Variants in TMEM143 observed in about 807,000 individuals in gnomAD.
TMEM143 encodes the protein transmembrane protein 143.
A neutral mutation model predicts 40.3 loss-of-function variants in TMEM143; 45 were observed. The observed-to-expected ratio is 1.12, with a 90% CI of 0.88 to 1.43. The LOEUF is 1.43. TMEM143 is among the 40% of genes most tolerant of loss of function. The pLI is 0.00. For missense variants in TMEM143, 620 were observed against 613.4 expected (o/e 1.01, Z -0.11); for synonymous variants, 299 against 282.7 (o/e 1.06, Z -0.58).
intron 4 of TMEM143, 76 bp downstream of exon 4, chr19:48,345,084 C>T (rs777936132): frequency 3.6e-5 from 53 of 1,485,936 alleles, no homozygotes; most frequent in Non-Finnish European, 4.7e-5. Context: ...CAACTCCCAG[C>T]AGCCCATGCC....
intron 3 of TMEM143, among the ~76,000 whole-genome samples, chr19:48,353,819 G>A (rs1306253682): frequency 6.6e-6 from 1 of 151,530 alleles, no homozygotes; most frequent in African/African-American, 2.4e-5. Context: ...GGCAGCCACA[G>A]GAAGATGGAG....
Position 48,334,002 on chromosome 19 carries a change from TC to T in TMEM143, c.1165+5del, listed in dbSNP as rs1369695184. On this transcript the variant is annotated splice_donor_5th_base_variant and intron_variant, in intron 7 of 7. Coordinates refer to ENST00000293261, the MANE Select transcript of TMEM143 (RefSeq NM_018273.4). ...CTGGGGGCAGGGTCCCAGGGCCACG[TC>T]CTACCTTCGGGCGAGCCTTGAGTGC... is the stretch of plus-strand genomic sequence containing the variant. 2.0e-6 allele frequency: 3 copies of T among 1,536,904 alleles called. No homozygotes were observed. In the African/African-American group the frequency reaches 4.1e-5, roughly 21 times the overall value.
intron 3 of TMEM143, among the ~76,000 whole-genome samples, chr19:48,351,232 C>T (rs773493521): frequency 7.2e-5 from 11 of 152,172 alleles, no homozygotes; most frequent in South Asian, 4.1e-4. Context: ...GATGCAACTC[C>T]ATCCTTCCAG....
chr19:48,363,681 T>C, intron 1 of TMEM143, 150 bp from the exon 2 acceptor site: 1 of 1,383,836 alleles, frequency 7.2e-7, no homozygotes, highest in Non-Finnish European at 9.7e-7. Flanking sequence ...GCCTGTCCCC[T>C]TCCCACACTG....
chr19:48,352,118 G>T (rs1969786865), intron 3 of TMEM143, among the ~76,000 whole-genome samples: 1 of 151,126 alleles, frequency 6.6e-6, no homozygotes, highest in Non-Finnish European at 1.5e-5. Context: ...GCGGTGGTGG[G>T]CGCCTGTAGT....
intron 6 of TMEM143, among the ~76,000 whole-genome samples, chr19:48,342,260 GAGAAAGGAA>G (rs1198208875): frequency 6.9e-6 from 1 of 144,866 alleles, no homozygotes; most frequent in African/African-American, 2.6e-5. Context: ...GAGAGAGAGG[GAGAAAGGAA>G]AGAAGGGAGG....
At chr19:48,337,784 C>T (rs1466383802) in intron 6 of TMEM143, among the ~76,000 whole-genome samples, 1 of 152,150 alleles carries the variant, frequency 6.6e-6, no homozygotes, top group African/African-American at 2.4e-5. Flanking sequence ...ACCCTCTTCT[C>T]ACCAGGCCAG....
At chr19:48,339,547 G>A (rs1271997847) in intron 6 of TMEM143, among the ~76,000 whole-genome samples, 1 of 152,162 alleles carries the variant, frequency 6.6e-6, no homozygotes, top group Non-Finnish European at 1.5e-5. Flanking sequence ...GAGGCAGCTG[G>A]ACTCTGGGCT....
In TMEM143 at chr19:48,342,599, G is replaced by C. The variant is rs371776234; in HGVS notation, c.906C>G (p.Thr302=). 1.2e-6 allele frequency: 2 copies of C among 1,612,762 alleles called. No homozygotes were observed. The highest frequency in any genetic ancestry group is 2.2e-5 in the East Asian group (1 of 44,800). Residue 302 remains threonine, a synonymous_variant, in exon 6 of 8, where the codon ACC becomes ACG. Coordinates refer to ENST00000293261, the MANE Select transcript of TMEM143 (RefSeq NM_018273.4). ...GCAGGGAGGTGGCCACCTTGAGGTC[G>C]GTTAGCACCACCATGCCCACGTTGA... is the stretch of plus-strand genomic sequence containing the variant. ...IFVNVGMVVL[T]DLKVATSLLL...
At chr19:48,344,630 T>G (rs1269477801) in intron 4 of TMEM143, among the ~76,000 whole-genome samples, 1 of 152,188 alleles carries the variant, frequency 6.6e-6, no homozygotes, top group Non-Finnish European at 1.5e-5. Flanking sequence ...CAGATGGTGC[T>G]AAGTCTCTTG....
In TMEM143 at chr19:48,363,911, C is replaced by T. The variant is rs762712906; in HGVS notation, c.10G>A (p.Glu4Lys). Residue 4 changes from glutamate to lysine, a missense_variant, in exon 1 of 8, where the codon GAG (glutamate) becomes AAG (lysine). Glu to Lys is a moderately conservative substitution (Grantham distance 56, BLOSUM62 1). Transcript: ENST00000293261. ...TTTCTCCCTCACCTTAGCCAAAGCTCGACTGTCATTGAGCCTCCTGCGCAT... is the reference window on the plus strand; with the variant it reads ...TTTCTCCCTCACCTTAGCCAAAGCTTGACTGTCATTGAGCCTCCTGCGCAT... The part of the protein sequence containing the change: MTV[E>K]LWLRLRGKGL... 1 of 1,613,826 alleles carries T rather than the reference C, an allele frequency of 6.2e-7. No individual in the cohort carries two copies. Among genetic ancestry groups the T allele is most frequent in the East Asian group, 2.2e-5 (1 of 44,864 alleles).
At chr19:48,353,119 C>T (rs970758232) in intron 3 of TMEM143, among the ~76,000 whole-genome samples, 1 of 151,940 alleles carries the variant, frequency 6.6e-6, no homozygotes, top group Non-Finnish European at 1.5e-5. Flanking sequence ...ATGCAGAACC[C>T]ATGGATATGG....
chr19:48,339,361 T>C (rs949597924), intron 6 of TMEM143, among the ~76,000 whole-genome samples: 1 of 152,124 alleles, frequency 6.6e-6, no homozygotes, highest in Admixed American at 6.5e-5. Context: ...GATCTGATCA[T>C]GGACAGTAGA....
chr19:48,334,131 A>G lies in TMEM143; in HGVS notation c.1042T>C (p.Ser348Pro). ...GCGCTGAGCAGCTCCGAGTTGTTGG[A>G]CGTACTGCGATAGTACAGCATGTGC... ...LAHMLYYRSTSNNSELLSALA... is the reference protein window; with the variant it reads ...LAHMLYYRSTPNNSELLSALA... The change falls in exon 7 of 8, where the codon TCC (serine) becomes CCC (proline). Residue 348 changes from serine (S) to proline (P), a missense_variant. Coordinates refer to ENST00000293261, the MANE Select transcript of TMEM143 (RefSeq NM_018273.4). 6.2e-7 allele frequency: 1 copy of G among 1,607,608 alleles called. No individual in the cohort carries two copies. Among genetic ancestry groups the G allele is most frequent in the Non-Finnish European group, 8.5e-7 (1 of 1,177,608 alleles).
At chr19:48,338,021 A>T (rs1008940209) in intron 6 of TMEM143, among the ~76,000 whole-genome samples, 1 of 128,090 alleles carries the variant, frequency 7.8e-6, no homozygotes, top group Non-Finnish European at 1.7e-5. Context: ...TGCCACCCGG[A>T]GGGTCCCTTC....
chr19:48,355,947 ACCCTGGCCAC>A (rs1969881285), intron 3 of TMEM143, among the ~76,000 whole-genome samples: 1 of 151,386 alleles, frequency 6.6e-6, no homozygotes, highest in Admixed American at 6.6e-5. Context: ...CCCAGTAAAA[ACCCTGGCCAC>A]CCAGGCTTAC....
intron 6 of TMEM143, among the ~76,000 whole-genome samples, chr19:48,338,404 G>A (rs1333335615): frequency 2.0e-5 from 3 of 152,108 alleles, no homozygotes; most frequent in Non-Finnish European, 4.4e-5. Context: ...TCCGTGGCCC[G>A]GCACACGAGG....
At chr19:48,334,410 TTTTCTCTCTTTCTTTC>T (rs1969297133) in intron 6 of TMEM143, among the ~76,000 whole-genome samples, 2 of 120,778 alleles carry the variant, frequency 1.7e-5, no homozygotes, top group African/African-American at 3.1e-5. Flanking sequence ...TTTTCTTTCT[TTTTCTCTCTTTCTTTC>T]TTTCTTTCTT....
chr19:48,345,358 A>C lies in TMEM143; in HGVS notation c.370-4T>G. 6.5e-7 allele frequency: 1 copy of C among 1,532,388 alleles called. No individual in the cohort carries two copies. Among genetic ancestry groups the C allele is most frequent in the Non-Finnish European group, 8.8e-7 (1 of 1,142,828 alleles). The allele number at this position is 1,532,388 out of a possible 1,614,324, so 94.9% of individuals were successfully genotyped here. On this transcript the variant is annotated splice_region_variant and splice_polypyrimidine_tract_variant and intron_variant, in intron 3 of 7. Coordinates refer to ENST00000293261, the MANE Select transcript of TMEM143 (RefSeq NM_018273.4). ...GGTTGATGGGGTCATATAAGGCCTAAGAGGAGAGTCAGAGAGAAAAAGATG... is the reference window on the plus strand; with the variant it reads ...GGTTGATGGGGTCATATAAGGCCTACGAGGAGAGTCAGAGAGAAAAAGATG...
Sources: allele counts gnomAD v4.1 joint callset (sites outside exome capture counted in the v4.1 genomes callset), GRCh38; gene constraint gnomAD v4.1.1; transcripts MANE v1.5; gene names NCBI Gene and HGNC (gene_info 2026-07-23, HGNC 2026-07-21).